Variants in THSD4 observed in about 807,000 individuals in gnomAD.
THSD4 encodes the protein thrombospondin type-1 domain-containing protein 4.
In THSD4, 69 loss-of-function variants were observed where a neutral mutation model predicts 119.0. The observed-to-expected ratio is 0.58, with a 90% CI of 0.48 to 0.71. The LOEUF is 0.71. Among genes scored for constraint, THSD4 ranks in the 30% least tolerant of loss-of-function variants. The pLI is 0.00. For missense variants in THSD4, 1,393 were observed against 1,391.1 expected, an observed-to-expected ratio of 1.00 and a Z score of -0.02; for synonymous variants, 524 against 540.4, an observed-to-expected ratio of 0.97 and a Z score of 0.42.
intron 7 of THSD4, among the ~76,000 whole-genome samples, chr15:71,563,490 G>A (rs1193250461): frequency 1.3e-5 from 2 of 152,142 alleles, no homozygotes; most frequent in East Asian, 3.8e-4. Context: ...TAATTATGAA[G>A]CATTTTGATA....
chr15:71,703,583 A>C (rs2052334497), intron 8 of THSD4, among the ~76,000 whole-genome samples: 1 of 152,056 alleles, frequency 6.6e-6, no homozygotes, highest in South Asian at 2.1e-4. Flanking sequence ...CGCACTGGGG[A>C]CAGGTCTTAC....
intron 7 of THSD4, among the ~76,000 whole-genome samples, chr15:71,626,745 T>C (rs1473370344): frequency 6.6e-6 from 1 of 152,212 alleles, no homozygotes; most frequent in East Asian, 1.9e-4. Flanking sequence ...GATTTCATTA[T>C]CTAGTGTTTT....
chr15:71,215,306 T>G lies in THSD4; in HGVS notation c.371T>G (p.Leu124Arg), dbSNP rs1380932825. The G allele has an allele frequency of 5.2e-6, 8 of 1,526,554 alleles. No individual in the cohort carries two copies. The highest frequency in any genetic ancestry group is 5.2e-6 in the Non-Finnish European group (6 of 1,142,956). 94.6% of individuals were successfully genotyped at this position (1,526,554 alleles called of 1,614,324 possible). The change falls in exon 4 of 18, where the codon CTG becomes CGG. Residue 124 changes from leucine to arginine, a missense_variant. By Grantham distance (102) the Leu-to-Arg change is moderately radical. Coordinates refer to ENST00000261862, the MANE Select transcript of THSD4 (RefSeq NM_024817.3). ...CGGAGCCGCGACGAGACGCCAGCGCTGGCCGGTACGGACGCCAGCCGCCAG... is the reference window on the plus strand; with the variant it reads ...CGGAGCCGCGACGAGACGCCAGCGCGGGCCGGTACGGACGCCAGCCGCCAG... ...LHRSRDETPALAGTDASRQGP... is the reference protein window; with the variant it reads ...LHRSRDETPARAGTDASRQGP...
At chr15:71,111,296 A>T (rs774863080), upstream of THSD4, 13 of 1,613,940 alleles carry the variant, frequency 8.1e-6, no homozygotes, top group East Asian at 2.7e-4. Flanking sequence ...TCTGGAAACC[A>T]TTTTGCTCAT....
At chr15:71,138,240 C>T (rs896808215) in intron 1 of THSD4, among the ~76,000 whole-genome samples, 4 of 152,132 alleles carry the variant, frequency 2.6e-5, no homozygotes, top group Admixed American at 2.6e-4. Context: ...AGAGAACAAG[C>T]AAGAGCAGGG....
At chr15:71,520,481 G>A (rs2048424407) in intron 7 of THSD4, among the ~76,000 whole-genome samples, 3 of 152,260 alleles carry the variant, frequency 2.0e-5, no homozygotes, top group Middle Eastern at 6.8e-3. Context: ...CAGCTTGTGG[G>A]GCAAGAAGAG....
At chr15:71,193,990 C>A (rs1020673018) in intron 3 of THSD4, among the ~76,000 whole-genome samples, 2 of 152,172 alleles carry the variant, frequency 1.3e-5, no homozygotes, top group African/African-American at 2.4e-5. Context: ...GGATTACAGG[C>A]GTGAGCCACC....
At chr15:71,265,890 A>G (rs538361808) in intron 6 of THSD4, among the ~76,000 whole-genome samples, 1 of 152,208 alleles carries the variant, frequency 6.6e-6, no homozygotes, top group African/African-American at 2.4e-5. Flanking sequence ...AGTCACTGTA[A>G]CCAGACTGCC....
chr15:71,603,227 A>G (rs977552496), intron 7 of THSD4, among the ~76,000 whole-genome samples: 1 of 152,242 alleles, frequency 6.6e-6, no homozygotes, highest in African/African-American at 2.4e-5. Flanking sequence ...GAACACAGAC[A>G]CATTGAAGGG....
chr15:71,482,798 G>C (rs1223510175), intron 7 of THSD4, among the ~76,000 whole-genome samples: 1 of 150,580 alleles, frequency 6.6e-6, no homozygotes, highest in Non-Finnish European at 1.5e-5. Context: ...TGTTGGCCAG[G>C]CTGGTCTCAA....
chr15:71,705,807 A>G (rs1196664128), intron 8 of THSD4, among the ~76,000 whole-genome samples: 1 of 152,196 alleles, frequency 6.6e-6, no homozygotes, highest in Non-Finnish European at 1.5e-5. Flanking sequence ...TCCCTCCAAG[A>G]GTTTGTGGCA....
Position 71,695,501 on chromosome 15 carries a change from CAT to C in THSD4, c.1358-33047_1358-33046del, listed in dbSNP as rs1491469011. 8.6e-3 allele frequency among the ~76,000 whole-genome samples: 998 copies of C among 115,396 alleles called. 12 individuals carry two copies. Among genetic ancestry groups the C allele is most frequent in the African/African-American group, 0.035 (945 of 27,166 alleles). The allele number at this position is 115,396 out of a possible 152,430, so 75.7% of individuals were successfully genotyped here. A position where few individuals can be genotyped will look rare whatever the true frequency, so the allele number is the denominator to read the frequency against. ...TACACATAAAATATTTGTGTGTGTGCATGTGTGTGTGTGTGTGTGTGTGTGTG... is the reference window on the plus strand; with the variant it reads ...TACACATAAAATATTTGTGTGTGTGCGTGTGTGTGTGTGTGTGTGTGTGTG... On this transcript the variant is annotated intron_variant, in intron 8 of 17. Transcript: ENST00000261862.
intron 6 of THSD4, among the ~76,000 whole-genome samples, chr15:71,257,788 A>G (rs892378314): frequency 1.3e-5 from 2 of 152,134 alleles, no homozygotes; most frequent in Admixed American, 6.5e-5. Context: ...CATAGCTTCT[A>G]TTAGATTCTC....
intron 6 of THSD4, among the ~76,000 whole-genome samples, chr15:71,355,391 C>CGT (rs2045795741): frequency 6.6e-6 from 1 of 152,230 alleles, no homozygotes; most frequent in African/African-American, 2.4e-5. Flanking sequence ...CTGTGTGTGT[C>CGT]ATGTGTGTGT....
At chr15:71,401,006 C>G (rs1282147401) in intron 6 of THSD4, among the ~76,000 whole-genome samples, 1 of 152,148 alleles carries the variant, frequency 6.6e-6, no homozygotes, top group Non-Finnish European at 1.5e-5. Context: ...GAGTTTTTCT[C>G]TCCACTGAAA....
chr15:71,196,696 T>G (rs1426942837), intron 3 of THSD4, among the ~76,000 whole-genome samples: 1 of 152,092 alleles, frequency 6.6e-6, no homozygotes, highest in Non-Finnish European at 1.5e-5. Context: ...CTATTGTCAG[T>G]CATATTCTCT....
At chr15:71,342,873 C>G (rs554904156) in intron 6 of THSD4, 1 of 152,262 alleles carries the variant, frequency 6.6e-6, no homozygotes, top group Non-Finnish European at 1.5e-5. Context: ...TGTTGAGCTT[C>G]AGAAGGTCTT....
intron 7 of THSD4, among the ~76,000 whole-genome samples, chr15:71,528,098 G>A (rs1221491158): frequency 6.6e-6 from 1 of 151,944 alleles, no homozygotes; most frequent in Non-Finnish European, 1.5e-5. Context: ...ACAGTGCCTT[G>A]GACTCTCTTG....
At chr15:71,438,577 CTACCCAATTATGGATAAT>C (rs887768637) in intron 7 of THSD4, among the ~76,000 whole-genome samples, 3 of 152,106 alleles carry the variant, frequency 2.0e-5, no homozygotes, top group African/African-American at 7.2e-5. Flanking sequence ...TTTCAGATGG[CTACCCAATTATGGATAAT>C]TACCCAATTA....
Sources: allele counts gnomAD v4.1 joint callset (sites outside exome capture counted in the v4.1 genomes callset), GRCh38; gene constraint gnomAD v4.1.1; transcripts MANE v1.5; gene names NCBI Gene and HGNC (gene_info 2026-07-23, HGNC 2026-07-21).